Variants in COL18A1 observed in about 807,000 individuals in gnomAD.
The protein encoded by COL18A1 is collagen alpha-1(XVIII) chain.
COL18A1 carries 133 observed loss-of-function variants against 168.0 expected under a neutral mutation model. That is an observed-to-expected ratio of 0.79 (90% CI 0.69 to 0.91). COL18A1 has a LOEUF of 0.91. Ranked by LOEUF, COL18A1 falls within the 40% of genes least tolerant of loss-of-function variation. The probability of loss-of-function intolerance (pLI) is 0.00; values close to 1 mark genes in which losing one functional copy is unlikely to be tolerated. For synonymous variants in COL18A1, 949 were observed against 809.0 expected (o/e 1.17, Z -2.94); for missense variants, 2,126 against 1,925.4 (o/e 1.10, Z -1.95).
chr21:45,505,770 T>G (rs2037164004), intron 36 of COL18A1, 68 bp from the exon 37 acceptor site: 2 of 1,239,398 alleles, frequency 1.6e-6, no homozygotes, highest in African/African-American at 1.5e-5. Context: ...AAACGGGCAT[T>G]CCTTCCTTCC....
chr21:45,453,297 GTGTA>G (rs1306856324), intron 2 of COL18A1, among the ~76,000 whole-genome samples: 11 of 152,160 alleles, frequency 7.2e-5, no homozygotes, highest in African/African-American at 1.9e-4. Context: ...GTGGGGGCTT[GTGTA>G]TGTGAGTATT....
intron 2 of COL18A1, among the ~76,000 whole-genome samples, chr21:45,431,185 C>T (rs570248943): frequency 6.6e-6 from 1 of 152,256 alleles, no homozygotes; most frequent in Admixed American, 6.5e-5. Context: ...CTGTGCTCTC[C>T]AAGGGTGGGC....
At chr21:45,480,378 C>A (rs565019454) in intron 11 of COL18A1, 89 bp from the exon 12 acceptor site, 8 of 1,609,650 alleles carry the variant, frequency 5.0e-6, no homozygotes, top group Non-Finnish European at 5.1e-6. Flanking sequence ...AGAAACAGCT[C>A]GATATGCAGC....
intron 36 of COL18A1, 54 bp downstream of exon 36, chr21:45,505,485 T>C: frequency 1.1e-6 from 1 of 907,232 alleles, no homozygotes; most frequent in South Asian, 1.4e-5. Context: ...TGGCTGGTTC[T>C]GCAGCCCCTG....
intron 2 of COL18A1, among the ~76,000 whole-genome samples, chr21:45,442,044 TCACC>T (rs746694902): frequency 3.9e-5 from 6 of 151,996 alleles, no homozygotes; most frequent in Non-Finnish European, 7.4e-5. Context: ...CCAGGGGAGG[TCACC>T]TCGCCCTCAT....
chr21:45,423,268 C>T lies in COL18A1; in HGVS notation c.106+17795C>T, dbSNP rs1226554448. Among the ~76,000 whole-genome samples, 2 of 152,180 alleles carry T rather than the reference C, an allele frequency of 1.3e-5. No individual in the cohort carries two copies. Among genetic ancestry groups the T allele is most frequent in the Non-Finnish European group, 2.9e-5 (2 of 68,030 alleles). ...TGAGGGTTAGCTGGTCCAGTTCCCG[C>T]GTGTTGGCCGGTCTGGTCCCTGAGT... On this transcript the variant is annotated intron_variant, in intron 2 of 41. Transcript: ENST00000651438. This position sits in a 1 kb window ranked among gnomAD's most constrained non-coding sequence, Gnocchi z 4.0.
intron 2 of COL18A1, chr21:45,455,625 G>T: frequency 1.2e-6 from 2 of 1,613,960 alleles, no homozygotes; most frequent in Non-Finnish European, 1.7e-6. Flanking sequence ...AACTGGCTTT[G>T]GTTCAATAAT....
At chr21:45,437,634 T>TCACACACTCAGA (rs1233703012) in intron 2 of COL18A1, among the ~76,000 whole-genome samples, 2 of 15,864 alleles carry the variant, frequency 1.3e-4, no homozygotes, top group Non-Finnish European at 2.0e-4. Flanking sequence ...GCACACACAC[T>TCACACACTCAGA]CACACAGGCA....
At chr21:45,487,535 G>C (rs375572068) in intron 17 of COL18A1, 26 bp downstream of exon 17, 4 of 1,611,364 alleles carry the variant, frequency 2.5e-6, no homozygotes, top group Non-Finnish European at 3.4e-6. Flanking sequence ...GGGCGTGGCC[G>C]GCTCTGAGGG....
At position 45,450,428 on chromosome 21, in the gene COL18A1, G is replaced by A. The variant is rs73909555; in HGVS notation, c.107-17814G>A. 5.4e-3 allele frequency among the ~76,000 whole-genome samples: 828 copies of A among 152,314 alleles called. 12 individuals carry two copies. Among genetic ancestry groups the A allele is most frequent in the African/African-American group, 0.019 (801 of 41,568 alleles). On this transcript the variant is annotated intron_variant, in intron 2 of 41. Coordinates refer to ENST00000651438, the MANE Select transcript of COL18A1 (RefSeq NM_001379500.1). ...TAGGGTGGCCAGAAGCAGGAGGGACGCCTCTGACGATTGAACAGCCCGGAG... is the reference window on the plus strand; with the variant it reads ...TAGGGTGGCCAGAAGCAGGAGGGACACCTCTGACGATTGAACAGCCCGGAG...
chr21:45,491,466 C>CAGACGCCCTTGGTCAG (rs1555869351), intron 22 of COL18A1, 152 bp downstream of exon 22: 12 of 631,924 alleles, frequency 1.9e-5, no homozygotes, highest in Non-Finnish European at 3.2e-5. Context: ...GTGGGGGCTG[C>CAGACGCCCTTGGTCAG]AGACGCCCTC....
At chr21:45,450,239 G>C (rs111691265) in intron 2 of COL18A1, among the ~76,000 whole-genome samples, 1 of 152,162 alleles carries the variant, frequency 6.6e-6, no homozygotes. Flanking sequence ...TTCTGGGCTC[G>C]GGCGAGCATC....
intron 2 of COL18A1, among the ~76,000 whole-genome samples, chr21:45,405,949 TC>T (rs2033092349): frequency 6.6e-6 from 1 of 151,540 alleles, no homozygotes; most frequent in African/African-American, 2.4e-5. Flanking sequence ...TGCGCCTCTG[TC>T]CCCGCCGCCC....
At chr21:45,490,775 A>G (rs1489227461) in intron 20 of COL18A1, 61 bp from the exon 21 acceptor site, 1 of 1,519,008 alleles carries the variant, frequency 6.6e-7, no homozygotes, top group Admixed American at 2.0e-5. Flanking sequence ...GCCATCCCTC[A>G]CGGGGGGCCA....
At chr21:45,440,334 C>T (rs1349320105) in intron 2 of COL18A1, among the ~76,000 whole-genome samples, 1 of 152,212 alleles carries the variant, frequency 6.6e-6, no homozygotes, top group Admixed American at 6.5e-5. Flanking sequence ...CCAGAGCTGC[C>T]CCTTGCTGTC....
chr21:45,504,331 C>A, intron 33 of COL18A1, 85 bp from the exon 34 acceptor site: 1 of 1,423,048 alleles, frequency 7.0e-7, no homozygotes, highest in Non-Finnish European at 9.7e-7. Context: ...CTTCTGACTG[C>A]CCAGCCCTGG....
chr21:45,478,181 G>C (rs1166115472), intron 8 of COL18A1, 146 bp from the exon 9 acceptor site: 2 of 1,042,540 alleles, frequency 1.9e-6, no homozygotes, highest in African/African-American at 3.1e-5. Context: ...GTGTGAGGAG[G>C]CTCCTGGCGC....
chr21:45,487,743 CTG>C (rs772888566), intron 17 of COL18A1: 10 of 669,788 alleles, frequency 1.5e-5, no homozygotes, highest in Non-Finnish European at 2.5e-5. Flanking sequence ...GTGGGAGACA[CTG>C]TGAGTGGTCA....
chr21:45,418,157 G>A (rs1249996002), intron 2 of COL18A1, among the ~76,000 whole-genome samples: 3 of 152,258 alleles, frequency 2.0e-5, no homozygotes, highest in Non-Finnish European at 2.9e-5. Flanking sequence ...CAGGGGAGCC[G>A]GCTCTGACTC....
Sources: allele counts gnomAD v4.1 joint callset (sites outside exome capture counted in the v4.1 genomes callset), GRCh38; gene constraint gnomAD v4.1.1; non-coding constraint Gnocchi (gnomAD v3.1); transcripts MANE v1.5; gene names NCBI Gene and HGNC (gene_info 2026-07-23, HGNC 2026-07-21).